The following PITPNC1 variants were observed in gnomAD, a reference collection of about 807,000 sequenced individuals.
The protein encoded by PITPNC1 is phosphatidylinositol transfer protein cytoplasmic 1.
PITPNC1 carries 18 observed loss-of-function variants against 44.7 expected under a neutral mutation model. The observed-to-expected ratio is 0.40, with a 90% confidence interval of 0.28 to 0.60. PITPNC1 has a LOEUF of 0.60. Among genes scored for constraint, PITPNC1 ranks in the 20% least tolerant of loss-of-function variants. The probability of loss-of-function intolerance (pLI) is 0.39; values close to 1 mark genes in which losing one functional copy is unlikely to be tolerated. For missense variants in PITPNC1, 290 were observed against 418.4 expected (o/e 0.69, Z 2.68); for synonymous variants, 141 against 149.6 (o/e 0.94, Z 0.42).
At chr17:67,517,768 A>T (rs985032014) in intron 1 of PITPNC1, among the ~76,000 whole-genome samples, 2 of 152,216 alleles carry the variant, frequency 1.3e-5, no homozygotes, top group Admixed American at 1.3e-4. Flanking sequence ...AGAATCAGGG[A>T]TGACTATTAG....
In PITPNC1 at chr17:67,512,101, T is replaced by C. The variant is rs547319880; in HGVS notation, c.49-20701T>C. On this transcript the variant is annotated intron_variant, in intron 1 of 8. Transcript: ENST00000581322. ...TCCCTGCCCCAAGGCTAGAGAGTGA[T>C]GTCCAGCTCAGAACTTGGGGTGAGA... Among the ~76,000 whole-genome samples the C allele has an allele frequency of 6.6e-5, 10 of 152,320 alleles. No individual in the cohort carries two copies. The East Asian group carries it at 1.7e-3, about 26-fold the overall frequency.
intron 1 of PITPNC1, among the ~76,000 whole-genome samples, chr17:67,407,127 C>G (rs2038412508): frequency 6.6e-6 from 1 of 152,154 alleles, no homozygotes; most frequent in African/African-American, 2.4e-5. Context: ...ACATTCCCAC[C>G]TACAGTGTAC....
chr17:67,660,339 G>A (rs549780832), intron 6 of PITPNC1, among the ~76,000 whole-genome samples: 34 of 152,100 alleles, frequency 2.2e-4, no homozygotes, highest in African/African-American at 6.0e-4. Flanking sequence ...CAGCAATTCC[G>A]GGGTGCTATG....
intron 1 of PITPNC1, among the ~76,000 whole-genome samples, chr17:67,399,337 T>A (rs949579098): frequency 6.6e-6 from 1 of 152,164 alleles, no homozygotes; most frequent in African/African-American, 2.4e-5. Flanking sequence ...ATGGTTGTTC[T>A]CAGTTGGTCG....
chr17:67,444,622 C>T lies in PITPNC1; in HGVS notation c.48+66420C>T, dbSNP rs539405200. On this transcript the variant is annotated intron_variant, in intron 1 of 8. Transcript: ENST00000581322. ...TTAATAGAAGAGAAGGCTGGCCAGG[C>T]GCGGTGGCCCACGCCTGTAATCCCA... is the stretch of plus-strand genomic sequence containing the variant. Among the ~76,000 whole-genome samples, 13 of 152,218 alleles carry T rather than the reference C, an allele frequency of 8.5e-5. No individual in the cohort carries two copies. The South Asian group carries it at 2.5e-3, about 29-fold the overall frequency.
At chr17:67,455,571 C>G (rs1461494865) in intron 1 of PITPNC1, among the ~76,000 whole-genome samples, 1 of 151,886 alleles carries the variant, frequency 6.6e-6, no homozygotes, top group Non-Finnish European at 1.5e-5. Flanking sequence ...AGGTGCGCAC[C>G]ACCATGCCCA....
intron 6 of PITPNC1, among the ~76,000 whole-genome samples, chr17:67,643,997 C>T (rs1259699208): frequency 1.3e-5 from 2 of 152,146 alleles, no homozygotes; most frequent in Non-Finnish European, 2.9e-5. Context: ...ATACCAATAG[C>T]TCCAGCTCTC....
In PITPNC1 at chr17:67,692,827, C is replaced by G. The variant is rs748194801; in HGVS notation, c.938C>G (p.Ala313Gly). 2 of 1,613,632 alleles carry G rather than the reference C, an allele frequency of 1.2e-6. No homozygotes were observed. The highest frequency in any genetic ancestry group is 2.7e-5 in the African/African-American group (2 of 74,904). The change falls in exon 9 of 9, where the codon GCC becomes GGC. Residue 313 changes from alanine to glycine, a missense_variant. Transcript: ENST00000581322. ...ACACTTCCAGACCCTGAGAAAAAAG[C>G]CACCCTGAATTTACCCGGCATGCAC... ...TLTLPDPEKK[A>G]TLNLPGMHSS...
At chr17:67,544,610 C>A (rs1325053318) in intron 2 of PITPNC1, among the ~76,000 whole-genome samples, 1 of 152,246 alleles carries the variant, frequency 6.6e-6, no homozygotes, top group Non-Finnish European at 1.5e-5. Context: ...AACATTTTTC[C>A]CGCTACATGG....
rs1255819547 is a variant in PITPNC1, at chr17:67,379,560, G to C, written c.48+1358G>C. ...GGAGGTAGCATTTAAGCAGGGTCTG[G>C]AAGGGTGGATGCCAGGTGGGTAGAC... On this transcript the variant is annotated intron_variant, in intron 1 of 8. Transcript: ENST00000581322. 4.0e-5 allele frequency among the ~76,000 whole-genome samples: 6 copies of C among 150,502 alleles called. No individual in the cohort carries two copies. In the East Asian group the frequency reaches 1.2e-3, roughly 29 times the overall value.
chr17:67,503,634 A>G (rs1474639133), intron 1 of PITPNC1, among the ~76,000 whole-genome samples: 1 of 152,232 alleles, frequency 6.6e-6, no homozygotes, highest in Non-Finnish European at 1.5e-5. Flanking sequence ...GCGATTACCC[A>G]GTATCCTAAT....
intron 5 of PITPNC1, among the ~76,000 whole-genome samples, chr17:67,596,832 C>G (rs1211576145): frequency 6.6e-6 from 1 of 152,104 alleles, no homozygotes; most frequent in East Asian, 1.9e-4. Flanking sequence ...TTTAAAGGCT[C>G]TTCCCCCTTG....
intron 5 of PITPNC1, among the ~76,000 whole-genome samples, chr17:67,585,763 C>G (rs1259365598): frequency 6.6e-6 from 1 of 152,190 alleles, no homozygotes; most frequent in Non-Finnish European, 1.5e-5. Context: ...CAAGATCGTG[C>G]CACTGCACTC....
intron 1 of PITPNC1, among the ~76,000 whole-genome samples, chr17:67,485,256 A>G (rs933058589): frequency 1.1e-4 from 16 of 152,076 alleles, no homozygotes; most frequent in African/African-American, 3.1e-4. Context: ...AGCATGGAGC[A>G]TGCTGGAAGG....
At position 67,425,197 on chromosome 17, in the gene PITPNC1, G is replaced by GCGCGCGCA. The variant is rs748898605; in HGVS notation, c.48+46996_48+46997insGCGCGCAC. Among the ~76,000 whole-genome samples, 100 of 98,454 alleles carry GCGCGCGCA rather than the reference G, an allele frequency of 1.0e-3. 9 individuals are homozygous for GCGCGCGCA. Among genetic ancestry groups the GCGCGCGCA allele is most frequent in the East Asian group, 5.0e-3 (10 of 2,004 alleles). 64.6% of individuals were successfully genotyped at this position (98,454 alleles called of 152,430 possible). A position where few individuals can be genotyped will look rare whatever the true frequency, so the allele number is the denominator to read the frequency against. On this transcript the variant is annotated intron_variant, in intron 1 of 8. Transcript: ENST00000581322. ...AAACAGCCATGTTGTGCGCGCGCAC[G>GCGCGCGCA]CACACGCACACACACACACACACAC...
chr17:67,517,868 C>T (rs1031556817), intron 1 of PITPNC1, among the ~76,000 whole-genome samples: 13 of 152,114 alleles, frequency 8.5e-5, no homozygotes, highest in Non-Finnish European at 8.8e-5. Context: ...TAAAAGCCAC[C>T]GAATTGCATA....
At chr17:67,418,648 C>T (rs1256326812) in intron 1 of PITPNC1, among the ~76,000 whole-genome samples, 5 of 152,046 alleles carry the variant, frequency 3.3e-5, no homozygotes, top group Non-Finnish European at 5.9e-5. Context: ...GCAACCTCCA[C>T]CTCCTGGGTT....
chr17:67,382,996 A>ATTTG (rs1272201683), intron 1 of PITPNC1, among the ~76,000 whole-genome samples: 2 of 150,036 alleles, frequency 1.3e-5, no homozygotes, highest in African/African-American at 4.9e-5. Context: ...TTATTTATTT[A>ATTTG]TTTGTTTGTT....
intron 6 of PITPNC1, among the ~76,000 whole-genome samples, chr17:67,652,455 T>C (rs2042219610): frequency 6.6e-6 from 1 of 152,164 alleles, no homozygotes; most frequent in South Asian, 2.1e-4. Context: ...CCGAAGTCCA[T>C]CTGGCCCCAG....
Sources: gnomAD v4.1 joint callset for allele counts (sites outside exome capture counted in the v4.1 genomes callset) on GRCh38, gnomAD v4.1.1 for gene constraint, MANE v1.5 for transcripts, NCBI Gene and HGNC (gene_info 2026-07-23, HGNC 2026-07-21) for gene names.